Variants in NFAM1 observed in about 807,000 individuals in gnomAD.
NFAM1 encodes NFAT activating protein with ITAM motif 1.
In NFAM1, 17 loss-of-function variants were observed where a neutral mutation model predicts 29.0. The ratio of observed to expected loss-of-function variants is 0.59; its 90% CI spans 0.40 to 0.88. The LOEUF (loss-of-function observed/expected upper bound fraction) is 0.88. Ranked by LOEUF, NFAM1 falls within the 40% of genes least tolerant of loss-of-function variation. NFAM1 has a pLI of 0.00. For synonymous variants in NFAM1, 175 were observed against 147.2 expected (o/e 1.19, Z -1.36); for missense variants, 324 against 344.6 (o/e 0.94, Z 0.47).
upstream of NFAM1, chr22:42,432,500 G>A (rs572244189): frequency 8.1e-6 from 10 of 1,230,620 alleles, no homozygotes; most frequent in African/African-American, 1.5e-4. Flanking sequence ...GAACAGCCCA[G>A]CAGGGTGGCC....
intron 3 of NFAM1, among the ~76,000 whole-genome samples, chr22:42,403,999 C>T (rs557441623): frequency 5.2e-4 from 79 of 152,270 alleles, no homozygotes; most frequent in African/African-American, 1.8e-3. Context: ...GAAGGGCCTG[C>T]GGGCAGGGCT....
upstream of NFAM1, among the ~76,000 whole-genome samples, chr22:42,434,094 G>GC (rs1325659623): frequency 1.3e-5 from 2 of 152,144 alleles, no homozygotes; most frequent in African/African-American, 2.4e-5. Context: ...CTGTCACGGT[G>GC]CCCCCCACAC....
chr22:42,411,328 A>T, intron 2 of NFAM1, 79 bp downstream of exon 2: 1 of 1,164,406 alleles, frequency 8.6e-7, no homozygotes, highest in Non-Finnish European at 1.2e-6. Flanking sequence ...CCCATTCTCT[A>T]TTTCCGATCC....
chr22:42,406,557 T>C (rs1354744811), intron 3 of NFAM1, among the ~76,000 whole-genome samples: 2 of 152,108 alleles, frequency 1.3e-5, no homozygotes, highest in African/African-American at 4.8e-5. Flanking sequence ...TCAGAGCACC[T>C]GCATCCACTA....
intron 4 of NFAM1, among the ~76,000 whole-genome samples, chr22:42,391,339 T>C (rs370984729): frequency 1.0e-5 from 1 of 98,164 alleles, no homozygotes; most frequent in South Asian, 2.8e-4. Context: ...AGGTGAAAAA[T>C]GAACAGGGGT....
intron 4 of NFAM1, among the ~76,000 whole-genome samples, chr22:42,389,537 C>T (rs1031105336): frequency 2.7e-5 from 4 of 150,438 alleles, no homozygotes; most frequent in Non-Finnish European, 5.9e-5. Flanking sequence ...CTGGCCCTCC[C>T]TTAGGTATGC....
intron 1 of NFAM1, among the ~76,000 whole-genome samples, chr22:42,412,628 A>C (rs1382365656): frequency 6.6e-6 from 1 of 152,250 alleles, no homozygotes; most frequent in African/African-American, 2.4e-5. Flanking sequence ...GCAGGAAAAC[A>C]AAATAAAGAA....
intron 3 of NFAM1, among the ~76,000 whole-genome samples, chr22:42,406,298 A>G (rs1047215825): frequency 6.6e-6 from 1 of 152,120 alleles, no homozygotes; most frequent in African/African-American, 2.4e-5. Context: ...GGCTCCTGTC[A>G]TCTCTGCCTG....
chr22:42,435,177 G>A (rs1930909616), upstream of NFAM1, among the ~76,000 whole-genome samples: 1 of 152,202 alleles, frequency 6.6e-6, no homozygotes. Context: ...CTGAGGAACA[G>A]GGAGGTTAAA....
At chr22:42,423,527 C>A (rs922427149) in intron 1 of NFAM1, among the ~76,000 whole-genome samples, 10 of 146,074 alleles carry the variant, frequency 6.8e-5, no homozygotes, top group Non-Finnish European at 1.2e-4. Context: ...CCAGTCTGGG[C>A]AACATAGCAA....
intron 3 of NFAM1, among the ~76,000 whole-genome samples, chr22:42,402,751 G>A (rs1210841077): frequency 6.6e-6 from 1 of 152,020 alleles, no homozygotes; most frequent in African/African-American, 2.4e-5. Context: ...CAGGAATCAT[G>A]GCGATTGCTG....
chr22:42,426,981 G>A (rs545651568), intron 1 of NFAM1, among the ~76,000 whole-genome samples: 13 of 151,970 alleles, frequency 8.6e-5, no homozygotes, highest in African/African-American at 1.9e-4. Context: ...GCACCCAGGC[G>A]GGGGGGCTCG....
intron 1 of NFAM1, 118 bp downstream of exon 1, chr22:42,432,119 C>G: frequency 2.1e-6 from 2 of 936,040 alleles, no homozygotes; most frequent in Non-Finnish European, 3.4e-6. Flanking sequence ...AGCGTTCAAA[C>G]GACAACCAGC....
chr22:42,393,806 T>C (rs557939049), intron 4 of NFAM1, among the ~76,000 whole-genome samples: 2 of 152,286 alleles, frequency 1.3e-5, no homozygotes, highest in Admixed American at 6.5e-5. Flanking sequence ...AATTATATGA[T>C]GGCTATGTGG....
chr22:42,408,308 G>A (rs755070050), intron 3 of NFAM1, among the ~76,000 whole-genome samples: 13 of 152,208 alleles, frequency 8.5e-5, no homozygotes, highest in Non-Finnish European at 1.5e-4. Context: ...ATAAATTCCC[G>A]TGGAAGAGAG....
rs1320706090 is a variant in NFAM1, at chr22:42,423,089, G to C, written c.121+9148C>G. Among the ~76,000 whole-genome samples, 3 of 134,512 alleles carry C rather than the reference G, an allele frequency of 2.2e-5. No individual in the cohort carries two copies. In the East Asian group the frequency reaches 6.2e-4, roughly 28 times the overall value. 88.2% of individuals were successfully genotyped at this position (134,512 alleles called of 152,430 possible). On this transcript the variant is annotated intron_variant, in intron 1 of 5. Transcript: ENST00000329021. ...GATCTCGCCACTGCACTCCAGGCTAGGCGACAGAGCAAGACTCCATCTCAA... is the reference window on the plus strand; with the variant it reads ...GATCTCGCCACTGCACTCCAGGCTACGCGACAGAGCAAGACTCCATCTCAA...
At chr22:42,431,782 CTCCCCCCT>C (rs369379723) in intron 1 of NFAM1, among the ~76,000 whole-genome samples, 1,901 of 150,854 alleles carry the variant, frequency 0.013, 34 homozygotes, top group African/African-American at 0.044. Flanking sequence ...GTATCCCCCC[CTCCCCCCT>C]CTCCCCGCTC....
intron 1 of NFAM1, among the ~76,000 whole-genome samples, chr22:42,428,535 A>G (rs1015263211): frequency 5.3e-5 from 8 of 152,100 alleles, no homozygotes; most frequent in South Asian, 2.1e-4. Context: ...TCTGCCTCCC[A>G]GGTTCAAGCA....
intron 5 of NFAM1, among the ~76,000 whole-genome samples, chr22:42,386,396 A>ACACACACACACACACACACAC (rs1555968132): frequency 1.2e-4 from 15 of 125,184 alleles, no homozygotes; most frequent in African/African-American, 4.3e-4. Context: ...AAAACAAACA[A>ACACACACACACACACACACAC]ACACACACAC....
Sources: gnomAD v4.1 joint callset for allele counts (sites outside exome capture counted in the v4.1 genomes callset) on GRCh38, gnomAD v4.1.1 for gene constraint, MANE v1.5 for transcripts, NCBI Gene and HGNC (gene_info 2026-07-23, HGNC 2026-07-21) for gene names.